Variants in CCND3 observed in about 807,000 individuals in gnomAD.
CCND3 encodes the protein cyclin D3, also known as G1/S-specific cyclin-D3.
CCND3 carries 9 observed loss-of-function variants against 28.7 expected under a neutral mutation model. That is an observed-to-expected ratio of 0.31 (90% CI 0.19 to 0.55). The LOEUF (loss-of-function observed/expected upper bound fraction) is 0.55. Among genes scored for constraint, CCND3 ranks in the 20% least tolerant of loss-of-function variants. The probability of loss-of-function intolerance (pLI) is 0.93; values close to 1 mark genes in which losing one functional copy is unlikely to be tolerated. For missense variants in CCND3, 315 were observed against 385.8 expected, an observed-to-expected ratio of 0.82 and a Z score of 1.54; for synonymous variants, 164 against 163.9, an observed-to-expected ratio of 1.00 and a Z score of 0.00.
chr6:42,041,645 T>G (rs936175753), intron 1 of CCND3, among the ~76,000 whole-genome samples: 8 of 152,298 alleles, frequency 5.3e-5, no homozygotes, highest in Non-Finnish European at 1.2e-4. Context: ...ACTCCTCCCC[T>G]CTATAACCCA....
At chr6:42,037,879 A>C (rs902467492) in intron 1 of CCND3, among the ~76,000 whole-genome samples, 3 of 151,812 alleles carry the variant, frequency 2.0e-5, no homozygotes, top group African/African-American at 7.3e-5. Flanking sequence ...AAAAATACAA[A>C]AATTAGCTGG....
chr6:41,969,606 C>T (rs1366332132), intron 1 of CCND3, among the ~76,000 whole-genome samples: 37 of 151,888 alleles, frequency 2.4e-4, no homozygotes, highest in Non-Finnish European at 4.3e-4. Context: ...CGTGGTGGCA[C>T]GCACCTGTAG....
chr6:41,948,832 C>G (rs948760976), intron 1 of CCND3, among the ~76,000 whole-genome samples: 1 of 143,686 alleles, frequency 7.0e-6, no homozygotes, highest in African/African-American at 2.6e-5. Flanking sequence ...GACTACAGAA[C>G]GAGACTCCAT....
At chr6:42,026,926 C>T (rs1306465050) in intron 1 of CCND3, among the ~76,000 whole-genome samples, 1 of 152,192 alleles carries the variant, frequency 6.6e-6, no homozygotes, top group Non-Finnish European at 1.5e-5. Flanking sequence ...ATCACCCACC[C>T]GGATCTGTAT....
chr6:42,048,742 G>C lies in CCND3; in HGVS notation c.-287C>G, dbSNP rs1021135329. On this transcript the variant is annotated 5_prime_UTR_variant, in exon 1 of 5. Transcript: ENST00000372988. The surrounding 1 kb of genome is among the most constrained non-coding windows in gnomAD (Gnocchi z 4.7). The stretch of plus-strand genomic sequence containing the variant: ...GAGCTGGGCAGGAAGTGGGGAAGAG[G>C]GGGCGGAGGAGACAAAGGGGCTGGT... The C allele has an allele frequency of 4.1e-6, 2 of 491,852 alleles. No individual in the cohort carries two copies. The highest frequency in any genetic ancestry group is 8.1e-6 in the Non-Finnish European group (2 of 248,010). 30.5% of individuals were successfully genotyped at this position (491,852 alleles called of 1,614,324 possible). A position where few individuals can be genotyped will look rare whatever the true frequency, so the allele number is the denominator to read the frequency against.
intron 1 of CCND3, among the ~76,000 whole-genome samples, chr6:41,951,851 C>T (rs113218652): frequency 0.029 from 4,464 of 151,890 alleles, 99 homozygotes; most frequent in Admixed American, 0.045. Context: ...CTCTGCCTCC[C>T]GGGTTCTAGC....
rs958234240 is a variant in CCND3, at chr6:42,009,841, C to T, written c.-46+38660G>A. ...AAACAAACAAAAACCTTAAGGGGAG[C>T]CCTAGAATAGTGATTCTCAAAGTGT... On this transcript the variant is annotated intron_variant, in intron 1 of 4. Transcript: ENST00000372988. Among the ~76,000 whole-genome samples the T allele has an allele frequency of 2.6e-5, 4 of 151,904 alleles. 1 individual carries two copies. Among genetic ancestry groups the T allele is most frequent in the Non-Finnish European group, 5.9e-5 (4 of 67,942 alleles).
chr6:42,015,603 C>T (rs989650408), intron 1 of CCND3, among the ~76,000 whole-genome samples: 3 of 151,676 alleles, frequency 2.0e-5, no homozygotes, highest in Non-Finnish European at 4.4e-5. Flanking sequence ...CCAGCTATTC[C>T]GGAGGCTGAG....
intron 1 of CCND3, among the ~76,000 whole-genome samples, chr6:41,972,100 C>T (rs756926079): frequency 5.3e-5 from 8 of 150,346 alleles, no homozygotes; most frequent in East Asian, 2.0e-4. Context: ...TGGTGGCGGG[C>T]GCCTATAGTC....
chr6:42,019,290 C>A (rs890097551), intron 1 of CCND3, among the ~76,000 whole-genome samples: 1 of 151,996 alleles, frequency 6.6e-6, no homozygotes, highest in Admixed American at 6.6e-5. Context: ...GAGTTCGAGA[C>A]CAGCCTGACC....
chr6:41,998,266 C>T (rs1218343691), intron 1 of CCND3, among the ~76,000 whole-genome samples: 2 of 137,330 alleles, frequency 1.5e-5, no homozygotes, highest in African/African-American at 5.5e-5. Flanking sequence ...CCAGCTTGGG[C>T]GGCAGAGCGA....
intron 1 of CCND3, among the ~76,000 whole-genome samples, chr6:41,948,683 C>CA (rs1183035130): frequency 7.9e-5 from 12 of 151,296 alleles, no homozygotes; most frequent in African/African-American, 4.9e-5. Context: ...GTAAAAAATA[C>CA]AAAAAAATTA....
intron 1 of CCND3, among the ~76,000 whole-genome samples, chr6:41,965,865 A>G (rs1182058621): frequency 3.3e-5 from 5 of 152,138 alleles, no homozygotes; most frequent in Non-Finnish European, 5.9e-5. Flanking sequence ...CCGCTTGCAT[A>G]TCTTTGTCTG....
intron 1 of CCND3, among the ~76,000 whole-genome samples, chr6:41,961,455 T>C (rs950898199): frequency 1.7e-4 from 26 of 152,066 alleles, no homozygotes; most frequent in African/African-American, 4.6e-4. Flanking sequence ...TAATCCCAGC[T>C]ACTCGTGAGG....
chr6:41,937,727 C>G (rs1009252104), intron 2 of CCND3: 3 of 323,958 alleles, frequency 9.3e-6, no homozygotes, highest in Non-Finnish European at 1.8e-5. Flanking sequence ...TTTCTCCAGC[C>G]AGGGCTGAAA....
Position 41,975,145 on chromosome 6 carries a change from C to G in CCND3, c.-45-34560G>C, listed in dbSNP as rs572690778. On this transcript the variant is annotated intron_variant, in intron 1 of 4. Transcript: ENST00000372988. ...AGGGTAATTCATATGGTACATTATA[C>G]TTTTCAAAGAGTTTATACATACATG... is the stretch of plus-strand genomic sequence containing the variant. 2.1e-3 allele frequency among the ~76,000 whole-genome samples: 321 copies of G among 152,280 alleles called. 3 individuals carry two copies. The South Asian group carries it at 0.022, about 11-fold the overall frequency.
chr6:41,971,860 G>A (rs978026962), intron 1 of CCND3, among the ~76,000 whole-genome samples: 6 of 150,640 alleles, frequency 4.0e-5, no homozygotes, highest in African/African-American at 1.2e-4. Context: ...TATTTTTGGT[G>A]TGATCACACA....
At chr6:41,978,046 C>G (rs1249569794) in intron 1 of CCND3, among the ~76,000 whole-genome samples, 2 of 149,700 alleles carry the variant, frequency 1.3e-5, no homozygotes, top group East Asian at 4.1e-4. Context: ...CAAAGTGAGA[C>G]CCTGTCTCAA....
rs577985461 is a variant in CCND3, at chr6:41,980,652, A to C, written c.-45-40067T>G. On this transcript the variant is annotated intron_variant, in intron 1 of 4. Coordinates refer to the CCND3 transcript ENST00000372988. The stretch of plus-strand genomic sequence containing the variant: ...CCTCAACAAAATATAAGCAAATTTA[A>C]TCTTACTATGTATAAAAAGAATTAT... Among the ~76,000 whole-genome samples, 6 of 152,344 alleles carry C rather than the reference A, an allele frequency of 3.9e-5. No homozygotes were observed. The South Asian group carries it at 1.2e-3, about 32-fold the overall frequency.
Sources: gnomAD v4.1 joint callset for allele counts (sites outside exome capture counted in the v4.1 genomes callset) on GRCh38, gnomAD v4.1.1 for gene constraint, Gnocchi (gnomAD v3.1) non-coding constraint, MANE v1.5 for transcripts, NCBI Gene and HGNC (gene_info 2026-07-23, HGNC 2026-07-21) for gene names.